PAH: variants seen among roughly 807,000 people sequenced by gnomAD.
The protein encoded by PAH is phenylalanine hydroxylase, also known as phenylalanine-4-hydroxylase.
In PAH, 64 loss-of-function variants were observed where a neutral mutation model predicts 62.0. The observed-to-expected ratio is 1.03, with a 90% CI of 0.84 to 1.27. The LOEUF (loss-of-function observed/expected upper bound fraction) is 1.27. PAH is among the 50% of genes most tolerant of loss of function. PAH has a pLI of 0.00. For synonymous variants in PAH, 195 were observed against 196.2 expected (o/e 0.99, Z 0.05); for missense variants, 579 against 542.8 (o/e 1.07, Z -0.66).
intron 1 of PAH, among the ~76,000 whole-genome samples, chr12:102,949,657 T>G (rs969268840): frequency 6.6e-6 from 1 of 152,176 alleles, no homozygotes; most frequent in Non-Finnish European, 1.5e-5. Flanking sequence ...TGAATTGTTA[T>G]ATAGGAGAAG....
intron 1 of PAH, 85 bp downstream of exon 1, chr12:102,916,986 A>G (rs1197401331): frequency 1.6e-6 from 2 of 1,223,800 alleles, no homozygotes; most frequent in African/African-American, 3.0e-5. Context: ...AGCTTATGAA[A>G]CCAGGAAGCA....
At chr12:102,893,420 A>AAAATT (rs1555207846) in intron 3 of PAH, among the ~76,000 whole-genome samples, 6 of 151,918 alleles carry the variant, frequency 3.9e-5, no homozygotes, top group Admixed American at 6.6e-5. Context: ...AAATAAAAAT[A>AAAATT]AAAAATAAAA....
chr12:102,958,393 CGCAGCAGCAGCA>C (rs3832799), upstream of PAH: 1,289 of 1,507,074 alleles, frequency 8.6e-4, 4 homozygotes, highest in African/African-American at 2.7e-3. Flanking sequence ...GCGCAGAGCG[CGCAGCAGCAGCA>C]GCAGCAGCAG....
chr12:102,868,420 G>A (rs1178368882), intron 4 of PAH, among the ~76,000 whole-genome samples: 1 of 151,350 alleles, frequency 6.6e-6, no homozygotes, highest in Non-Finnish European at 1.5e-5. Context: ...GAAAAGTGAA[G>A]TAAAACTACT....
intron 12 of PAH, 33 bp from the exon 13 acceptor site, chr12:102,839,251 T>G: frequency 1.2e-6 from 2 of 1,610,036 alleles, no homozygotes; most frequent in Non-Finnish European, 1.7e-6. Context: ...AATGGGCCAC[T>G]TGTATAATAA....
chr12:102,861,284 C>T (rs887868228), intron 5 of PAH, among the ~76,000 whole-genome samples: 1 of 152,152 alleles, frequency 6.6e-6, no homozygotes, highest in Non-Finnish European at 1.5e-5. Context: ...CAGTGAGATA[C>T]CATCTCACAC....
upstream of PAH, among the ~76,000 whole-genome samples, chr12:102,951,798 CCTT>C (rs770004344): frequency 6.0e-5 from 9 of 151,248 alleles, no homozygotes; most frequent in South Asian, 2.1e-4. Flanking sequence ...CCTTCCCCCT[CCTT>C]CTTCTCATTT....
At chr12:102,851,906 T>A (rs1875170653) in intron 7 of PAH, 150 bp from the exon 8 acceptor site, 1 of 664,480 alleles carries the variant, frequency 1.5e-6, no homozygotes, top group Admixed American at 2.4e-5. Context: ...TATGCAGAGG[T>A]TGGGATCATA....
At chr12:102,877,372 T>A in intron 4 of PAH, 90 bp downstream of exon 4, 1 of 951,668 alleles carries the variant, frequency 1.1e-6, no homozygotes, top group Non-Finnish European at 1.7e-6. Context: ...AGTGAACAAG[T>A]ACATTGCTCC....
At chr12:102,941,092 G>T (rs1276989404) in intron 1 of PAH, among the ~76,000 whole-genome samples, 1 of 152,052 alleles carries the variant, frequency 6.6e-6, no homozygotes, top group Non-Finnish European at 1.5e-5. Flanking sequence ...AAGTAAAGGA[G>T]AAATAAAACT....
intron 3 of PAH, among the ~76,000 whole-genome samples, chr12:102,879,990 T>A (rs572133392): frequency 2.0e-5 from 3 of 152,220 alleles, no homozygotes; most frequent in African/African-American, 7.2e-5. Context: ...ATTTCACATA[T>A]GCTACCCCCT....
At chr12:102,877,099 C>G (rs1232571804) in intron 4 of PAH, 1 of 356,632 alleles carries the variant, frequency 2.8e-6, no homozygotes, top group Non-Finnish European at 5.4e-6. Flanking sequence ...CTGCAGTTGG[C>G]AGAGTTGTTA....
intron 5 of PAH, among the ~76,000 whole-genome samples, chr12:102,858,474 A>G (rs1875549017): frequency 6.6e-6 from 1 of 152,242 alleles, no homozygotes; most frequent in South Asian, 2.1e-4. Flanking sequence ...CACCAAGCGG[A>G]CCTAACAGAC....
Position 102,852,856 on chromosome 12 carries a change from C to A in PAH, c.801G>T (p.Gln267His), listed in dbSNP as rs199475675. 1 of 1,614,068 alleles carries A rather than the reference C, an allele frequency of 6.2e-7. No individual in the cohort carries two copies. The highest frequency in any genetic ancestry group is 8.5e-7 in the Non-Finnish European group (1 of 1,180,002). ...GLAFRVFHCT[Q>H]YIRHGSKPMY... ...TGGGCTTGGATCCATGTCTGATGTA[C>A]TGTGTGCAGTGGAAGACTCGGAAGG... is the stretch of plus-strand genomic sequence containing the variant. Residue 267 changes from glutamine to histidine, a missense_variant, in exon 7 of 13, where the codon CAG becomes CAT. By Grantham distance (24) the Gln-to-His change is conservative (BLOSUM62 0). Transcript: ENST00000553106.
At chr12:102,864,302 A>G (rs1875852936) in intron 5 of PAH, among the ~76,000 whole-genome samples, 1 of 152,144 alleles carries the variant, frequency 6.6e-6, no homozygotes, top group Non-Finnish European at 1.5e-5. Context: ...TTTAGCTTGA[A>G]CATAACTATT....
At chr12:102,936,766 T>A (rs1879114819) in intron 1 of PAH, among the ~76,000 whole-genome samples, 1 of 152,226 alleles carries the variant, frequency 6.6e-6, no homozygotes, top group Non-Finnish European at 1.5e-5. Flanking sequence ...TCTTTGTGTG[T>A]CTTTATAGGT....
At chr12:102,905,513 A>G (rs1877939791) in intron 2 of PAH, among the ~76,000 whole-genome samples, 1 of 152,044 alleles carries the variant, frequency 6.6e-6, no homozygotes. Flanking sequence ...TTCTCATAAC[A>G]ATTGGTTTTT....
At chr12:102,896,240 A>G (rs1288282602) in intron 2 of PAH, among the ~76,000 whole-genome samples, 1 of 152,142 alleles carries the variant, frequency 6.6e-6, no homozygotes, top group Non-Finnish European at 1.5e-5. Flanking sequence ...GAGTTGAGAG[A>G]GGTGAAGGCC....
chr12:102,912,555 TC>T (rs1238169056), intron 2 of PAH, among the ~76,000 whole-genome samples: 1 of 152,100 alleles, frequency 6.6e-6, no homozygotes, highest in Non-Finnish European at 1.5e-5. Context: ...ATCACAAAGT[TC>T]CTGTTGAAAC....
Sources: gnomAD v4.1 joint callset for allele counts (sites outside exome capture counted in the v4.1 genomes callset) on GRCh38, gnomAD v4.1.1 for gene constraint, MANE v1.5 for transcripts, NCBI Gene and HGNC (gene_info 2026-07-23, HGNC 2026-07-21) for gene names.